SPAG8: variants seen among roughly 807,000 people sequenced by gnomAD.
The protein encoded by SPAG8 is sperm associated antigen 8, also known as sperm-associated antigen 8.
In SPAG8, 36 loss-of-function variants were observed where a neutral mutation model predicts 45.3. That is an observed-to-expected ratio of 0.80 (90% CI 0.61 to 1.05). SPAG8 has a LOEUF of 1.05. SPAG8 is among the 50% of genes least tolerant of loss of function. The pLI, the probability that SPAG8 is intolerant of heterozygous loss-of-function variation, is 0.00. For missense variants in SPAG8, 573 were observed against 609.2 expected (o/e 0.94, Z 0.63); for synonymous variants, 227 against 232.6 (o/e 0.98, Z 0.22).
rs1828779788 is a variant in SPAG8, at chr9:35,811,264, G to T, written c.782C>A (p.Pro261His). 1 of 1,612,956 alleles carries T rather than the reference G, an allele frequency of 6.2e-7. No homozygotes were observed. The highest frequency in any genetic ancestry group is 8.5e-7 in the Non-Finnish European group (1 of 1,179,316). ...LEPGARGLWK[P>H]PDIKGKLMVC... ...CATAAGCTTCCCTTTAATGTCTGGG[G>T]GTTTCCATAGTCCTCGGGCACCCGG... Residue 261 changes from proline (P) to histidine (H), a missense_variant, in exon 2 of 7, where the codon CCC becomes CAC. Physicochemically the swap from Pro to His is moderately conservative, Grantham distance 77. Coordinates refer to ENST00000396638, the MANE Select transcript of SPAG8 (RefSeq NM_001039592.2).
downstream of SPAG8, chr9:35,807,933 T>A: frequency 1.9e-6 from 1 of 526,394 alleles, no homozygotes; most frequent in Non-Finnish European, 3.4e-6. Flanking sequence ...AATAATAGAT[T>A]CGTTGTATGG....
downstream of SPAG8, chr9:35,808,904 TTTC>T: frequency 1.7e-6 from 2 of 1,157,014 alleles, no homozygotes; most frequent in Non-Finnish European, 2.6e-6. This position sits in a 1 kb window ranked among gnomAD's most constrained non-coding sequence, Gnocchi z 4.0. Context: ...ATCTTGCCCT[TTTC>T]TTCTTTTCAT....
In SPAG8 at chr9:35,811,641, A is replaced by T; in HGVS notation, c.405T>A (p.Pro135=). 6.2e-7 allele frequency: 1 copy of T among 1,614,256 alleles called. No individual in the cohort carries two copies. Among genetic ancestry groups the T allele is most frequent in the Non-Finnish European group, 8.5e-7 (1 of 1,180,040 alleles). ...TCTTTDHSSN[P]GPVPGSSSGP... ...CAGAGCTAGAGCCTGGAACAGGGCC[A>T]GGATTAGAACTATGGTCAGTTGTAG... The change falls in exon 2 of 7, where the codon CCT becomes CCA. Residue 135 remains proline (P), a synonymous_variant. Transcript: ENST00000396638.
At chr9:35,808,439 GTC>G (rs896340139), downstream of SPAG8, 2 of 1,529,484 alleles carry the variant, frequency 1.3e-6, no homozygotes, top group African/African-American at 2.7e-5. The surrounding 1 kb of genome is among the most constrained non-coding windows in gnomAD (Gnocchi z 4.0). Flanking sequence ...TGTCAAGCTT[GTC>G]TCCCTCTACT....
At position 35,811,752 on chromosome 9, in the gene SPAG8, C is replaced by G. The variant is rs79261709; in HGVS notation, c.294G>C (p.Ala98=). The change falls in exon 2 of 7, where the codon GCG becomes GCC. Residue 98 remains alanine, a synonymous_variant. Coordinates refer to ENST00000396638, the MANE Select transcript of SPAG8 (RefSeq NM_001039592.2). The stretch of plus-strand genomic sequence containing the variant: ...CTATATTGTGGGTAAAGCCGGGTCC[C>G]GCACAGGGCTCCCCAAGAAGGCTGG... ...SDPSLLGEPC[A]GPGFTHNIAH... 3.7e-6 allele frequency: 6 copies of G among 1,614,226 alleles called. No homozygotes were observed. In the East Asian group the frequency reaches 1.3e-4, roughly 36 times the overall value.
chr9:35,809,811 C>A lies in SPAG8; in HGVS notation c.*127G>T. On this transcript the variant is annotated 3_prime_UTR_variant, in exon 7 of 7. Transcript: ENST00000396638. This position sits in a 1 kb window ranked among gnomAD's most constrained non-coding sequence, Gnocchi z 4.1. ...CTCACAGAATCACTAAATTAGCAGT[C>A]TTGGGATGAGAGAGAACCCTTTATG... 6.5e-7 allele frequency: 1 copy of A among 1,548,570 alleles called. No homozygotes were observed. Among genetic ancestry groups the A allele is most frequent in the South Asian group, 1.2e-5 (1 of 80,598 alleles).
At position 35,810,447 on chromosome 9, in the gene SPAG8, G is replaced by A; in HGVS notation, c.1192C>T (p.Pro398Ser). The A allele has an allele frequency of 6.2e-7, 1 of 1,613,660 alleles. No individual in the cohort carries two copies. The highest frequency in any genetic ancestry group is 8.5e-7 in the Non-Finnish European group (1 of 1,179,724). ...GGGGGGTGGGTTCTCACCTTTGTTG[G>A]GGCAGGAGTCCCTGCTTGTGCCAGC... ...MELAQAGTPA[P>S]TKPHDYRQEQ... Residue 398 changes from proline (P) to serine (S), a missense_variant, in exon 5 of 7, where the codon CCA (proline) becomes TCA (serine). Coordinates refer to ENST00000396638, the MANE Select transcript of SPAG8 (RefSeq NM_001039592.2).
chr9:35,808,492 A>G (rs1473587938), downstream of SPAG8: 2 of 1,613,212 alleles, frequency 1.2e-6, no homozygotes, highest in Admixed American at 1.7e-5. This position sits in a 1 kb window ranked among gnomAD's most constrained non-coding sequence, Gnocchi z 4.0. Context: ...TGACCTTTTA[A>G]TCCCCCTCTC....
At position 35,810,285 on chromosome 9, in the gene SPAG8, G is replaced by A. The variant is rs777642000; in HGVS notation, c.1225C>T (p.Pro409Ser). The A allele has an allele frequency of 1.5e-5, 24 of 1,614,222 alleles. No individual in the cohort carries two copies. The highest frequency in any genetic ancestry group is 2.0e-5 in the Non-Finnish European group (24 of 1,180,024). ...GCCCTCTGTATCCAGAAGGTCTCAG[G>A]TTGCTCCTGGCGGTAGTCGTGAGGC... ...TKPHDYRQEQ[P>S]ETFWIQRAPQ... Residue 409 changes from proline (P) to serine (S), a missense_variant, in exon 6 of 7, where the codon CCT (proline) becomes TCT (serine). Coordinates refer to ENST00000396638, the MANE Select transcript of SPAG8 (RefSeq NM_001039592.2).
rs1425213633 is a variant in SPAG8 at position 35,812,109 on chromosome 9, C to T, written c.39G>A (p.Arg13=). Residue 13 remains arginine, a synonymous_variant, in exon 1 of 7, where the codon CGG becomes CGA. Coordinates refer to ENST00000396638, the MANE Select transcript of SPAG8 (RefSeq NM_001039592.2). ...TNESTEGSRS[R]SRSLDIQPSS... ...GCCAGAGCTGCGGCTCTCACCGCGA[C>T]CGCGACCGCGATCCCTCCGTAGACT... is the stretch of plus-strand genomic sequence containing the variant. 6.2e-7 allele frequency: 1 copy of T among 1,610,036 alleles called. No homozygotes were observed. Among genetic ancestry groups the T allele is most frequent in the South Asian group, 1.1e-5 (1 of 91,088 alleles).
chr9:35,808,697 T>C (rs760337013), downstream of SPAG8: 1 of 1,613,284 alleles, frequency 6.2e-7, no homozygotes, highest in South Asian at 1.1e-5. The surrounding 1 kb of genome is among the most constrained non-coding windows in gnomAD (Gnocchi z 4.0). Context: ...AGGCTGACTC[T>C]CACTCCAGCC....
chr9:35,810,717 C>G, intron 3 of SPAG8, 35 bp from the exon 4 acceptor site: 1 of 1,613,820 alleles, frequency 6.2e-7, no homozygotes, highest in East Asian at 2.2e-5. Context: ...AAGGTGGGGT[C>G]TGGTTAAGAA....
downstream of SPAG8, chr9:35,808,976 A>G: frequency 1.1e-6 from 1 of 932,054 alleles, no homozygotes; most frequent in Non-Finnish European, 1.8e-6. This position sits in a 1 kb window ranked among gnomAD's most constrained non-coding sequence, Gnocchi z 4.0. Flanking sequence ...ATCCTCGGGC[A>G]TATTTTGGTT....
chr9:35,808,884 G>C, downstream of SPAG8: 1 of 1,310,926 alleles, frequency 7.6e-7, no homozygotes, highest in South Asian at 1.2e-5. This position sits in a 1 kb window ranked among gnomAD's most constrained non-coding sequence, Gnocchi z 4.0. Context: ...CCCACTGTTG[G>C]CCTCAATTTA....
downstream of SPAG8, chr9:35,808,652 C>T: frequency 6.2e-7 from 1 of 1,614,158 alleles, no homozygotes. The surrounding 1 kb of genome is among the most constrained non-coding windows in gnomAD (Gnocchi z 4.0). Flanking sequence ...GACCCCATGA[C>T]CAGCTGAGGC....
At chr9:35,808,965 C>A, downstream of SPAG8, 1 of 927,910 alleles carries the variant, frequency 1.1e-6, no homozygotes, top group South Asian at 1.3e-5. The surrounding 1 kb of genome is among the most constrained non-coding windows in gnomAD (Gnocchi z 4.0). Context: ...CTTAGTGTCG[C>A]ATCCTCGGGC....
chr9:35,809,036 T>G, downstream of SPAG8: 1 of 1,069,832 alleles, frequency 9.3e-7, no homozygotes, highest in Non-Finnish European at 1.5e-6. The surrounding 1 kb of genome is among the most constrained non-coding windows in gnomAD (Gnocchi z 4.1). Flanking sequence ...CTAATAGATA[T>G]GCATTGGGAG....
chr9:35,811,999 G>A lies in SPAG8; in HGVS notation c.47C>T (p.Ser16Phe). The A allele has an allele frequency of 6.2e-7, 1 of 1,603,940 alleles. No homozygotes were observed. ...STEGSRSRSRSLDIQPSSEGL... is the reference protein window; with the variant it reads ...STEGSRSRSRFLDIQPSSEGL... The stretch of plus-strand genomic sequence containing the variant: ...TTCGGAGCTGGGCTGTATGTCTAAA[G>A]ATCTGAAAGAAAGCAAACACGACAT... Residue 16 changes from serine to phenylalanine, a missense_variant and splice_region_variant, in exon 2 of 7, where the codon TCT becomes TTT. Coordinates refer to ENST00000396638, the MANE Select transcript of SPAG8 (RefSeq NM_001039592.2).
chr9:35,811,880 A>C lies in SPAG8; in HGVS notation c.166T>G (p.Ser56Ala), dbSNP rs368220820. ...AAGGCTGCAGTAGCTGCAGCAGCTG[A>C]TGCAGCCGCTGCAGCTGCTGCGGTT... ...AATAAAAAAA[S>A]AAAATAAFTT... The change falls in exon 2 of 7, where the codon TCA (serine) becomes GCA (alanine). Residue 56 changes from serine (S) to alanine (A), a missense_variant. Transcript: ENST00000396638. The C allele has an allele frequency of 2.5e-6, 4 of 1,607,854 alleles. No individual in the cohort carries two copies. Among genetic ancestry groups the C allele is most frequent in the East Asian group, 2.2e-5 (1 of 44,714 alleles).
Sources: gnomAD v4.1 joint callset for allele counts on GRCh38, gnomAD v4.1.1 for gene constraint, Gnocchi (gnomAD v3.1) non-coding constraint, MANE v1.5 for transcripts, NCBI Gene and HGNC (gene_info 2026-07-23, HGNC 2026-07-21) for gene names.